EPB41L2: variants seen among roughly 807,000 people sequenced by gnomAD.
The protein encoded by EPB41L2 is band 4.1-like protein 2.
EPB41L2 carries 43 observed loss-of-function variants against 113.0 expected under a neutral mutation model. That is an observed-to-expected ratio of 0.38 (90% CI 0.30 to 0.49). The LOEUF is 0.49. Ranked by LOEUF, EPB41L2 falls within the 20% of genes least tolerant of loss-of-function variation. The pLI is 0.95. For missense variants in EPB41L2, 1,147 were observed against 1,223.4 expected (o/e 0.94, Z 0.93); for synonymous variants, 442 against 436.7 (o/e 1.01, Z -0.15).
At chr6:130,866,475 C>T (rs1292973417) in intron 16 of EPB41L2, among the ~76,000 whole-genome samples, 1 of 152,188 alleles carries the variant, frequency 6.6e-6, no homozygotes, top group Non-Finnish European at 1.5e-5. Flanking sequence ...ACCTGTATGT[C>T]TTCATTCTGG....
chr6:130,933,533 G>A (rs1383151859), intron 3 of EPB41L2, among the ~76,000 whole-genome samples: 1 of 148,298 alleles, frequency 6.7e-6, no homozygotes, highest in African/African-American at 2.5e-5. Context: ...CTACTTTCCA[G>A]GTATCAGAGT....
chr6:130,870,475 G>T (rs1562347993), intron 14 of EPB41L2: 1 of 1,312,762 alleles, frequency 7.6e-7, no homozygotes, highest in East Asian at 2.5e-5. Flanking sequence ...AGACAAAACA[G>T]CAAGAATCAA....
chr6:130,939,545 G>C (rs527626499), intron 3 of EPB41L2, among the ~76,000 whole-genome samples: 98 of 152,088 alleles, frequency 6.4e-4, no homozygotes, highest in African/African-American at 2.2e-3. Flanking sequence ...AAGACACCGC[G>C]CCCGGCCCCA....
chr6:130,917,470 A>C (rs895280320), intron 4 of EPB41L2, among the ~76,000 whole-genome samples: 1 of 152,084 alleles, frequency 6.6e-6, no homozygotes, highest in Non-Finnish European at 1.5e-5. Context: ...CCCCCAAGTG[A>C]TATCAGATCA....
In EPB41L2 at chr6:130,956,272, T is replaced by G; in HGVS notation, c.214A>C (p.Arg72=). The change falls in exon 2 of 20, where the codon AGG becomes CGG. Residue 72 remains arginine (R), a synonymous_variant. Transcript: ENST00000337057. ...QKREKETSES[R]GISRFIPPWL... The stretch of plus-strand genomic sequence containing the variant: ...GGCGGTATGAACCGAGAAATACCCC[T>G]GCTCTCCGATGTTTCCTTCTCTCTC... 2 of 1,614,218 alleles carry G rather than the reference T, an allele frequency of 1.2e-6. No individual in the cohort carries two copies. Among genetic ancestry groups the G allele is most frequent in the East Asian group, 4.5e-5 (2 of 44,886 alleles).
rs553094645 is a variant in EPB41L2 at position 130,878,086 on chromosome 6, A to T, written c.2043+18T>A. 1 of 1,562,802 alleles carries T rather than the reference A, an allele frequency of 6.4e-7. No homozygotes were observed. Among genetic ancestry groups the T allele is most frequent in the Non-Finnish European group, 8.6e-7 (1 of 1,156,816 alleles). On this transcript the variant is annotated intron_variant, in intron 14 of 19. Coordinates refer to ENST00000337057, the MANE Select transcript of EPB41L2 (RefSeq NM_001431.4). ...GCAACTGAAGTGAGACAGAGCCAAC[A>T]AATAGCTAATGACATACCCCTTGTG...
intron 8 of EPB41L2, among the ~76,000 whole-genome samples, chr6:130,895,594 T>G (rs1583187188): frequency 1.3e-5 from 2 of 152,342 alleles, no homozygotes; most frequent in East Asian, 1.9e-4. Flanking sequence ...GCTCTTAAAA[T>G]TATGCCAATA....
At chr6:130,928,696 A>G (rs967300587) in intron 3 of EPB41L2, among the ~76,000 whole-genome samples, 3 of 152,354 alleles carry the variant, frequency 2.0e-5, no homozygotes, top group African/African-American at 4.8e-5. Flanking sequence ...CACCACTACA[A>G]TTTGGCAGTA....
At chr6:130,875,984 C>CAAAA (rs11452626) in intron 14 of EPB41L2, among the ~76,000 whole-genome samples, 1 of 128,496 alleles carries the variant, frequency 7.8e-6, no homozygotes, top group Non-Finnish European at 1.6e-5. Context: ...GAGTGCATCT[C>CAAAA]AAAAAAAAAA....
At chr6:131,040,207 G>A (rs988451950) in intron 1 of EPB41L2, among the ~76,000 whole-genome samples, 7 of 152,296 alleles carry the variant, frequency 4.6e-5, no homozygotes, top group South Asian at 2.1e-4. Context: ...GGTGGCCAAG[G>A]CAGGCAGATC....
intron 1 of EPB41L2, among the ~76,000 whole-genome samples, chr6:131,006,882 C>T (rs1365276384): frequency 6.6e-6 from 1 of 152,078 alleles, no homozygotes; most frequent in Non-Finnish European, 1.5e-5. Flanking sequence ...CCTGAGGATC[C>T]TGTGCCCATA....
At chr6:130,857,116 T>C (rs1780486543) in intron 19 of EPB41L2, among the ~76,000 whole-genome samples, 1 of 152,232 alleles carries the variant, frequency 6.6e-6, no homozygotes, top group African/African-American at 2.4e-5. Flanking sequence ...TTTAGATATA[T>C]TTGTGTCAAA....
At chr6:130,910,371 A>G (rs1189062575) in intron 4 of EPB41L2, among the ~76,000 whole-genome samples, 1 of 152,234 alleles carries the variant, frequency 6.6e-6, no homozygotes, top group Admixed American at 6.5e-5. Flanking sequence ...CTTATAGAAA[A>G]TTAACTCAAG....
intron 15 of EPB41L2, chr6:130,869,015 A>G (rs1338805725): frequency 6.5e-6 from 1 of 152,906 alleles, no homozygotes; most frequent in African/African-American, 2.4e-5. Context: ...CATTCAAGAA[A>G]TAACATTCTC....
At chr6:130,858,624 G>A (rs766832499) in intron 18 of EPB41L2, among the ~76,000 whole-genome samples, 1 of 152,220 alleles carries the variant, frequency 6.6e-6, no homozygotes, top group Admixed American at 6.5e-5. Context: ...GTGAACTAAA[G>A]TAATGCTGTA....
intron 1 of EPB41L2, among the ~76,000 whole-genome samples, chr6:130,959,332 A>G (rs1245736168): frequency 6.6e-6 from 1 of 152,210 alleles, no homozygotes; most frequent in African/African-American, 2.4e-5. Flanking sequence ...GATACACACT[A>G]GAGATAGGGT....
At position 130,956,503 on chromosome 6, in the gene EPB41L2, T is replaced by C; in HGVS notation, c.-14-4A>G. ...GTAGTCATGGCCACAGCTTATGCTG[T>C]AATCAAAACAAAAATCATAAAATGT... On this transcript the variant is annotated splice_region_variant and splice_polypyrimidine_tract_variant and intron_variant, in intron 1 of 19. Transcript: ENST00000337057. 6.4e-7 allele frequency: 1 copy of C among 1,571,784 alleles called. No homozygotes were observed.
At chr6:130,922,222 A>G (rs966774563) in intron 4 of EPB41L2, among the ~76,000 whole-genome samples, 2 of 152,224 alleles carry the variant, frequency 1.3e-5, no homozygotes, top group Non-Finnish European at 2.9e-5. Context: ...ATCACCATCA[A>G]TAAGTTAGCT....
At chr6:131,034,032 C>A (rs1249341840) in intron 1 of EPB41L2, among the ~76,000 whole-genome samples, 5 of 152,126 alleles carry the variant, frequency 3.3e-5, no homozygotes, top group Admixed American at 3.3e-4. Flanking sequence ...TCATCACCAA[C>A]AATTACTTGA....
Sources: allele counts gnomAD v4.1 joint callset (sites outside exome capture counted in the v4.1 genomes callset), GRCh38; gene constraint gnomAD v4.1.1; transcripts MANE v1.5; gene names NCBI Gene and HGNC (gene_info 2026-07-23, HGNC 2026-07-21).